The following SOX6 variants were observed in gnomAD, a reference collection of about 807,000 sequenced individuals.
SOX6 encodes the protein SRY-box transcription factor 6.
SOX6 carries 11 observed loss-of-function variants against 97.8 expected under a neutral mutation model. The ratio of observed to expected loss-of-function variants is 0.11; its 90% confidence interval spans 0.07 to 0.19. The LOEUF (loss-of-function observed/expected upper bound fraction) is 0.19. SOX6 is among the 10% of genes least tolerant of loss of function. The pLI, the probability that SOX6 is intolerant of heterozygous loss-of-function variation, is 1.00. For synonymous variants in SOX6, 360 were observed against 371.4 expected (o/e 0.97, Z 0.35); for missense variants, 810 against 1,039.5 (o/e 0.78, Z 3.04).
chr11:16,428,877 C>G (rs951710027), intron 1 of SOX6, among the ~76,000 whole-genome samples: 4 of 152,086 alleles, frequency 2.6e-5, no homozygotes, highest in African/African-American at 4.8e-5. Context: ...TCATTGGTAG[C>G]TTGATGGGGA....
chr11:16,572,906 G>C (rs1847951425), intron 4 of SOX6, among the ~76,000 whole-genome samples: 1 of 152,164 alleles, frequency 6.6e-6, no homozygotes, highest in Non-Finnish European at 1.5e-5. Flanking sequence ...AGATAAAGCA[G>C]ATAGCCCATA....
chr11:16,716,538 T>C (rs1481273540), intron 2 of SOX6, among the ~76,000 whole-genome samples: 1 of 152,204 alleles, frequency 6.6e-6, no homozygotes, highest in Non-Finnish European at 1.5e-5. Context: ...GAGTATAAAT[T>C]GGTACAAGCA....
At chr11:16,189,094 A>G (rs1329210410) in intron 4 of SOX6, among the ~76,000 whole-genome samples, 3 of 152,168 alleles carry the variant, frequency 2.0e-5, no homozygotes, top group African/African-American at 4.8e-5. Flanking sequence ...TTGAAGAGAC[A>G]CCTTAATCAT....
intron 5 of SOX6, among the ~76,000 whole-genome samples, chr11:16,184,834 G>C (rs1182002411): frequency 6.6e-6 from 1 of 152,114 alleles, no homozygotes; most frequent in African/African-American, 2.4e-5. Flanking sequence ...CCAGAGAGAT[G>C]ATCCTTAGTG....
At chr11:16,707,647 T>A (rs930368038) in intron 3 of SOX6, among the ~76,000 whole-genome samples, 2 of 152,238 alleles carry the variant, frequency 1.3e-5, no homozygotes, top group African/African-American at 2.4e-5. Flanking sequence ...TGGCAAAGTT[T>A]GTTTTTAAGG....
chr11:16,666,780 A>T (rs949653539), intron 3 of SOX6, among the ~76,000 whole-genome samples: 12 of 152,046 alleles, frequency 7.9e-5, no homozygotes, highest in African/African-American at 2.9e-4. Context: ...TGGATGACAG[A>T]GTGGGACACC....
At position 16,160,933 on chromosome 11, in the gene SOX6, T is replaced by A. The variant is rs1206112113; in HGVS notation, c.777+22953A>T. The stretch of plus-strand genomic sequence containing the variant: ...TAAACTCTTGATCCAAAACCGATGA[T>A]ACTAGTTAAATAACATGCAGCCACT... On this transcript the variant is annotated intron_variant, in intron 6 of 15. Transcript: ENST00000683767. Among the ~76,000 whole-genome samples, 10 of 152,334 alleles carry A rather than the reference T, an allele frequency of 6.6e-5. No individual in the cohort carries two copies. In the East Asian group the frequency reaches 1.9e-3, roughly 29 times the overall value.
chr11:16,094,876 C>T (rs1162774073), intron 9 of SOX6, among the ~76,000 whole-genome samples: 1 of 151,820 alleles, frequency 6.6e-6, no homozygotes, highest in African/African-American at 2.4e-5. Flanking sequence ...GGAATTCTAC[C>T]TTAGGCTACT....
intron 3 of SOX6, among the ~76,000 whole-genome samples, chr11:16,673,923 C>T (rs1427274477): frequency 6.6e-6 from 1 of 152,108 alleles, no homozygotes; most frequent in African/African-American, 2.4e-5. Flanking sequence ...GGCGTGGTGG[C>T]TCATGCCTGT....
At chr11:15,994,220 A>G (rs10766293) in intron 13 of SOX6, among the ~76,000 whole-genome samples, 50,203 of 151,980 alleles carry the variant, frequency 0.33, 9,077 homozygotes, top group Non-Finnish European at 0.41. Context: ...TACTAACACA[A>G]TTGGAGTGGA....
At chr11:16,206,646 G>A (rs933767905) in intron 4 of SOX6, among the ~76,000 whole-genome samples, 2 of 152,120 alleles carry the variant, frequency 1.3e-5, no homozygotes, top group Non-Finnish European at 2.9e-5. Context: ...ACTTAGAACA[G>A]TTGCCTTCAC....
chr11:16,643,153 G>T lies in SOX6; in HGVS notation n.430-30893C>A, dbSNP rs528490284. 5.9e-5 allele frequency among the ~76,000 whole-genome samples: 9 copies of T among 152,340 alleles called. No individual in the cohort carries two copies. In the South Asian group the frequency reaches 1.7e-3, roughly 28 times the overall value. ...TAACAGTCAGGATCCTCAGCTGCAGGTCTGTTGGGGTTTGCTGGAGGTCCA... is the reference window on the plus strand; with the variant it reads ...TAACAGTCAGGATCCTCAGCTGCAGTTCTGTTGGGGTTTGCTGGAGGTCCA... On this transcript the variant is annotated intron_variant and non_coding_transcript_variant, in intron 3 of 5. Transcript: ENST00000524520.
chr11:16,239,538 G>C (rs1853121778), intron 3 of SOX6, among the ~76,000 whole-genome samples: 1 of 152,026 alleles, frequency 6.6e-6, no homozygotes, highest in Admixed American at 6.6e-5. Context: ...AACACCATGA[G>C]TTATATTACT....
chr11:16,653,419 C>T (rs1369633970), intron 3 of SOX6, among the ~76,000 whole-genome samples: 1 of 152,098 alleles, frequency 6.6e-6, no homozygotes, highest in Non-Finnish European at 1.5e-5. Context: ...GGTAAATATA[C>T]ACCATGGAAT....
chr11:16,023,882 A>G (rs1855141713), intron 12 of SOX6, among the ~76,000 whole-genome samples: 1 of 152,196 alleles, frequency 6.6e-6, no homozygotes, highest in Non-Finnish European at 1.5e-5. Context: ...ATCCTTAGGC[A>G]CTGTAATCCC....
chr11:16,117,906 A>G (rs1270942172), intron 6 of SOX6, among the ~76,000 whole-genome samples: 1 of 152,190 alleles, frequency 6.6e-6, no homozygotes, highest in Non-Finnish European at 1.5e-5. Flanking sequence ...CCCTCACTCC[A>G]TCAAAGACTG....
At chr11:16,467,317 A>G (rs1590214561) in intron 1 of SOX6, among the ~76,000 whole-genome samples, 1 of 152,208 alleles carries the variant, frequency 6.6e-6, no homozygotes, top group Non-Finnish European at 1.5e-5. Context: ...AGGTCATTCT[A>G]TTATAAAGAC....
At chr11:16,327,321 A>T (rs927133450) in intron 2 of SOX6, among the ~76,000 whole-genome samples, 6 of 152,186 alleles carry the variant, frequency 3.9e-5, no homozygotes, top group African/African-American at 1.4e-4. Context: ...CTCTTATTAA[A>T]TACAAATGTC....
At chr11:16,656,191 C>T (rs1847715981) in intron 3 of SOX6, among the ~76,000 whole-genome samples, 1 of 152,108 alleles carries the variant, frequency 6.6e-6, no homozygotes. Context: ...AATTCTCCTG[C>T]CTCAGCCTTC....
Sources: gnomAD v4.1 joint callset for allele counts (sites outside exome capture counted in the v4.1 genomes callset) on GRCh38, gnomAD v4.1.1 for gene constraint, MANE v1.5 for transcripts, NCBI Gene and HGNC (gene_info 2026-07-23, HGNC 2026-07-21) for gene names.